Variants in ARHGAP12 observed in about 807,000 individuals in gnomAD.
ARHGAP12 encodes the protein rho GTPase-activating protein 12.
In ARHGAP12, 64 loss-of-function variants were observed where a neutral mutation model predicts 108.6. The ratio of observed to expected loss-of-function variants is 0.59; its 90% CI spans 0.48 to 0.73. The LOEUF is 0.73. Ranked by LOEUF, ARHGAP12 falls within the 30% of genes least tolerant of loss-of-function variation. The pLI is 0.00. For missense variants in ARHGAP12, 940 were observed against 1,005.9 expected (o/e 0.93, Z 0.89); for synonymous variants, 312 against 337.2 (o/e 0.93, Z 0.82).
intron 3 of ARHGAP12, among the ~76,000 whole-genome samples, chr10:31,876,345 C>T (rs1323136752): frequency 1.3e-5 from 2 of 152,062 alleles, no homozygotes; most frequent in African/African-American, 4.8e-5. Context: ...TGGCAAAACC[C>T]CATCTCTACT....
chr10:31,853,500 T>A (rs886942147), intron 5 of ARHGAP12, among the ~76,000 whole-genome samples: 4 of 152,172 alleles, frequency 2.6e-5, no homozygotes, highest in Admixed American at 2.6e-4. Flanking sequence ...TGTCAAATAA[T>A]TGAGGCAGGA....
intron 6 of ARHGAP12, among the ~76,000 whole-genome samples, chr10:31,851,515 A>G (rs1836679312): frequency 6.6e-6 from 1 of 152,214 alleles, no homozygotes; most frequent in East Asian, 1.9e-4. Flanking sequence ...TGTCAGTTAC[A>G]GTGGAGCTCT....
intron 4 of ARHGAP12, among the ~76,000 whole-genome samples, chr10:31,856,795 A>G (rs1024061116): frequency 2.0e-5 from 3 of 152,222 alleles, no homozygotes; most frequent in African/African-American, 7.2e-5. Context: ...GCAGAAAAAC[A>G]GTATAATCAG....
At chr10:31,832,310 C>T (rs369715532) in intron 9 of ARHGAP12, among the ~76,000 whole-genome samples, 5 of 152,236 alleles carry the variant, frequency 3.3e-5, no homozygotes, top group African/African-American at 1.2e-4. Flanking sequence ...ATGTACAGAA[C>T]TTGCCTTAAT....
At chr10:31,833,559 A>G (rs1835910028) in intron 9 of ARHGAP12, among the ~76,000 whole-genome samples, 1 of 152,244 alleles carries the variant, frequency 6.6e-6, no homozygotes. Flanking sequence ...CCAAATGGTC[A>G]CAGGGATCAA....
chr10:31,835,491 C>T (rs905599172), intron 9 of ARHGAP12, among the ~76,000 whole-genome samples: 7 of 152,046 alleles, frequency 4.6e-5, no homozygotes, highest in African/African-American at 1.7e-4. Context: ...TTATTCTATC[C>T]TAATAGGCAA....
At chr10:31,812,328 G>A (rs1218781800) in intron 15 of ARHGAP12, among the ~76,000 whole-genome samples, 3 of 151,788 alleles carry the variant, frequency 2.0e-5, no homozygotes, top group Admixed American at 2.0e-4. Flanking sequence ...GACAGCCAAG[G>A]GTAAAAATTA....
At chr10:31,852,456 A>T in intron 6 of ARHGAP12, 61 bp downstream of exon 6, 1 of 1,236,946 alleles carries the variant, frequency 8.1e-7, no homozygotes, top group Non-Finnish European at 1.2e-6. Context: ...TGCTGAAACC[A>T]TCTCCAGATA....
chr10:31,908,124 T>G, intron 3 of ARHGAP12, 48 bp downstream of exon 3: 1 of 1,483,072 alleles, frequency 6.7e-7, no homozygotes, highest in Non-Finnish European at 9.0e-7. Context: ...ATAACTAATA[T>G]TTTCACTAGG....
At chr10:31,917,817 T>C (rs1839625010) in intron 1 of ARHGAP12, among the ~76,000 whole-genome samples, 1 of 152,166 alleles carries the variant, frequency 6.6e-6, no homozygotes, top group Non-Finnish European at 1.5e-5. Flanking sequence ...CAAATAAACA[T>C]TGGGATATCA....
intron 1 of ARHGAP12, among the ~76,000 whole-genome samples, chr10:31,918,326 C>CACAG: frequency 1.1e-5 from 1 of 88,540 alleles, no homozygotes. Context: ...CACACACACA[C>CACAG]ACACACACAC....
intron 3 of ARHGAP12, among the ~76,000 whole-genome samples, chr10:31,885,349 C>T (rs989372853): frequency 6.6e-6 from 1 of 152,136 alleles, no homozygotes; most frequent in East Asian, 1.9e-4. Context: ...AGAAAACACA[C>T]GTTAAGTATC....
chr10:31,895,802 C>T (rs530293081), intron 3 of ARHGAP12, among the ~76,000 whole-genome samples: 15 of 152,172 alleles, frequency 9.9e-5, no homozygotes, highest in Non-Finnish European at 1.6e-4. Flanking sequence ...ATGTTTATTG[C>T]GGCATTATTC....
chr10:31,901,173 G>A (rs1481359434), intron 3 of ARHGAP12, among the ~76,000 whole-genome samples: 2 of 148,372 alleles, frequency 1.3e-5, no homozygotes, highest in East Asian at 2.0e-4. Context: ...CCAAGATTGC[G>A]CCACTGCACT....
intron 1 of ARHGAP12, among the ~76,000 whole-genome samples, chr10:31,927,253 A>G (rs1469062711): frequency 9.5e-5 from 5 of 52,366 alleles, no homozygotes; most frequent in African/African-American, 5.7e-4. Context: ...CAAAATGCCT[A>G]TTCAGACCAG....
intron 11 of ARHGAP12, among the ~76,000 whole-genome samples, chr10:31,823,542 G>A (rs1422115430): frequency 1.3e-5 from 2 of 152,096 alleles, no homozygotes; most frequent in Non-Finnish European, 2.9e-5. Flanking sequence ...AATAGCGTGG[G>A]TGACTGTGCT....
At position 31,835,160 on chromosome 10, in the gene ARHGAP12, T is replaced by C. The variant is rs527382381; in HGVS notation, c.1387-3360A>G. Among the ~76,000 whole-genome samples the C allele has an allele frequency of 4.1e-5, 6 of 147,408 alleles. No individual in the cohort carries two copies. In the South Asian group the frequency reaches 6.4e-4, roughly 16 times the overall value. ...TTGCAGTGAGCCGAGATCGCGCCAC[T>C]GCACTCCAGCCTGGGCGACAGAGCG... On this transcript the variant is annotated intron_variant, in intron 9 of 19. Coordinates refer to ENST00000344936, the MANE Select transcript of ARHGAP12 (RefSeq NM_018287.7).
At chr10:31,924,574 T>C (rs191571448) in intron 1 of ARHGAP12, among the ~76,000 whole-genome samples, 64 of 152,354 alleles carry the variant, frequency 4.2e-4, no homozygotes, top group Middle Eastern at 3.4e-3. Flanking sequence ...TCATTCTTTT[T>C]TATTGTTGAA....
At chr10:31,827,428 G>C (rs1835657193) in intron 10 of ARHGAP12, among the ~76,000 whole-genome samples, 1 of 152,130 alleles carries the variant, frequency 6.6e-6, no homozygotes, top group South Asian at 2.1e-4. Context: ...GAAGATAAAT[G>C]AATGTCAAAT....
Sources: allele counts gnomAD v4.1 joint callset (sites outside exome capture counted in the v4.1 genomes callset), GRCh38; gene constraint gnomAD v4.1.1; transcripts MANE v1.5; gene names NCBI Gene and HGNC (gene_info 2026-07-23, HGNC 2026-07-21).